Variants in ROBO1 observed in about 807,000 individuals in gnomAD.
ROBO1 encodes roundabout homolog 1.
ROBO1 carries 149 observed loss-of-function variants against 195.9 expected under a neutral mutation model. The ratio of observed to expected loss-of-function variants is 0.76; its 90% CI spans 0.67 to 0.87. The LOEUF (loss-of-function observed/expected upper bound fraction) is 0.87. Among genes scored for constraint, ROBO1 ranks in the 40% least tolerant of loss-of-function variants. The pLI, the probability that ROBO1 is intolerant of heterozygous loss-of-function variation, is 0.00. For missense variants in ROBO1, 1,933 were observed against 2,068.3 expected, an observed-to-expected ratio of 0.93 and a Z score of 1.27; for synonymous variants, 816 against 733.2, an observed-to-expected ratio of 1.11 and a Z score of -1.82.
At chr3:78,910,335 T>C (rs1437184765) in intron 4 of ROBO1, among the ~76,000 whole-genome samples, 1 of 151,512 alleles carries the variant, frequency 6.6e-6, no homozygotes, top group Non-Finnish European at 1.5e-5. Context: ...TTTGTTTTTG[T>C]TTAGTTTCTG....
chr3:78,659,887 AATAG>A, intron 16 of ROBO1, 80 bp from the exon 17 acceptor site: 1 of 1,144,868 alleles, frequency 8.7e-7, no homozygotes. Flanking sequence ...CAAACCCAAT[AATAG>A]ATGTATTAAT....
chr3:78,708,412 T>G (rs2081603602), intron 8 of ROBO1, among the ~76,000 whole-genome samples: 1 of 152,124 alleles, frequency 6.6e-6, no homozygotes, highest in African/African-American at 2.4e-5. Context: ...TTAAGTATTT[T>G]GAAGCTGTAT....
At chr3:78,681,794 C>G (rs1315231169) in intron 10 of ROBO1, among the ~76,000 whole-genome samples, 1 of 152,054 alleles carries the variant, frequency 6.6e-6, no homozygotes, top group Non-Finnish European at 1.5e-5. Flanking sequence ...CCCAGCTACT[C>G]GAGAGGCTGA....
intron 2 of ROBO1, among the ~76,000 whole-genome samples, chr3:79,327,052 T>C (rs915279708): frequency 2.6e-5 from 4 of 152,124 alleles, no homozygotes; most frequent in Admixed American, 6.6e-5. Context: ...GCATACAAAA[T>C]ACTTAACACA....
intron 2 of ROBO1, among the ~76,000 whole-genome samples, chr3:79,139,749 T>C (rs1017005354): frequency 6.6e-6 from 1 of 152,200 alleles, no homozygotes; most frequent in Non-Finnish European, 1.5e-5. Flanking sequence ...TCTCTCCGTC[T>C]GTTGACTTTT....
chr3:79,303,779 C>T (rs1450164376), intron 2 of ROBO1, among the ~76,000 whole-genome samples: 2 of 152,088 alleles, frequency 1.3e-5, no homozygotes, highest in African/African-American at 4.8e-5. Flanking sequence ...TCCTCAAATA[C>T]CTGCCAACCA....
chr3:79,763,143 A>C (rs867341019), intron 1 of ROBO1, among the ~76,000 whole-genome samples: 8 of 152,204 alleles, frequency 5.3e-5, no homozygotes, highest in African/African-American at 1.9e-4. Flanking sequence ...TTGGAAATAT[A>C]GGTATGACAA....
At chr3:78,862,213 A>G (rs1027499541) in intron 4 of ROBO1, among the ~76,000 whole-genome samples, 5 of 152,142 alleles carry the variant, frequency 3.3e-5, no homozygotes, top group Non-Finnish European at 4.4e-5. Flanking sequence ...GACAGACTCA[A>G]CCACCTTGGC....
At chr3:79,127,681 TG>T (rs745768240) in intron 2 of ROBO1, among the ~76,000 whole-genome samples, 21 of 152,296 alleles carry the variant, frequency 1.4e-4, no homozygotes, top group Admixed American at 1.0e-3. Flanking sequence ...TTCCTGAGAA[TG>T]GGGATATTAT....
chr3:79,720,422 T>C (rs953638917), intron 1 of ROBO1, among the ~76,000 whole-genome samples: 1 of 152,156 alleles, frequency 6.6e-6, no homozygotes, highest in Non-Finnish European at 1.5e-5. Context: ...CTTTACCTAC[T>C]ACAGTTCCAG....
intron 2 of ROBO1, among the ~76,000 whole-genome samples, chr3:79,165,945 A>G (rs1025752430): frequency 1.3e-5 from 2 of 152,202 alleles, no homozygotes; most frequent in African/African-American, 4.8e-5. Context: ...ATAGGTCTGA[A>G]GCTTCCCTGA....
chr3:79,182,322 C>T (rs2081355362), intron 2 of ROBO1, among the ~76,000 whole-genome samples: 1 of 152,152 alleles, frequency 6.6e-6, no homozygotes, highest in African/African-American at 2.4e-5. Context: ...TGACTGACTG[C>T]CAAGCTCCAG....
chr3:78,698,974 T>C (rs1013980250), intron 8 of ROBO1, among the ~76,000 whole-genome samples: 2 of 152,210 alleles, frequency 1.3e-5, no homozygotes, highest in African/African-American at 4.8e-5. Context: ...ACAATGTGCA[T>C]GTCACCCAAC....
intron 1 of ROBO1, among the ~76,000 whole-genome samples, chr3:79,759,520 A>G (rs1475226058): frequency 6.6e-6 from 1 of 152,200 alleles, no homozygotes; most frequent in Non-Finnish European, 1.5e-5. Context: ...CATCCTTAGT[A>G]AACAGGATTC....
intron 4 of ROBO1, among the ~76,000 whole-genome samples, chr3:78,767,580 T>A (rs954777205): frequency 2.6e-5 from 4 of 152,206 alleles, no homozygotes; most frequent in African/African-American, 7.2e-5. Flanking sequence ...GGTAATTTTT[T>A]AATTACCATT....
chr3:79,755,336 T>C (rs1704328160), intron 1 of ROBO1, among the ~76,000 whole-genome samples: 1 of 152,134 alleles, frequency 6.6e-6, no homozygotes, highest in Admixed American at 6.5e-5. Context: ...TGAATTTAAT[T>C]CCATGGAAAC....
intron 8 of ROBO1, among the ~76,000 whole-genome samples, chr3:78,701,693 C>A (rs911299645): frequency 6.6e-6 from 1 of 152,160 alleles, no homozygotes; most frequent in Non-Finnish European, 1.5e-5. Flanking sequence ...TCACCATCCA[C>A]AAAATAACTT....
chr3:79,156,664 T>C (rs556519108), intron 2 of ROBO1, among the ~76,000 whole-genome samples: 52 of 151,880 alleles, frequency 3.4e-4, no homozygotes, highest in Admixed American at 6.6e-4. Context: ...GGACAAAAGG[T>C]CCAATGATGA....
intron 2 of ROBO1, among the ~76,000 whole-genome samples, chr3:79,352,527 C>T (rs968183383): frequency 1.3e-5 from 2 of 152,150 alleles, no homozygotes; most frequent in African/African-American, 4.8e-5. Context: ...TATTCTAATG[C>T]ATATGTATCT....
Sources: gnomAD v4.1 joint callset for allele counts (sites outside exome capture counted in the v4.1 genomes callset) on GRCh38, gnomAD v4.1.1 for gene constraint, MANE v1.5 for transcripts, NCBI Gene and HGNC (gene_info 2026-07-23, HGNC 2026-07-21) for gene names.